Variants in ALDH1A2 observed in about 807,000 individuals in gnomAD.
The protein encoded by ALDH1A2 is retinal dehydrogenase 2.
A neutral mutation model predicts 60.3 loss-of-function variants in ALDH1A2; 27 were observed. The observed-to-expected ratio is 0.45, with a 90% CI of 0.33 to 0.62. The LOEUF is 0.62. Ranked by LOEUF, ALDH1A2 falls within the 20% of genes least tolerant of loss-of-function variation. The pLI, the probability that ALDH1A2 is intolerant of heterozygous loss-of-function variation, is 0.02. For synonymous variants in ALDH1A2, 289 were observed against 232.4 expected, an observed-to-expected ratio of 1.24 and a Z score of -2.21; for missense variants, 581 against 643.8, an observed-to-expected ratio of 0.90 and a Z score of 1.06.
chr15:57,963,590 G>A (rs962374391), intron 9 of ALDH1A2, among the ~76,000 whole-genome samples: 11 of 151,886 alleles, frequency 7.2e-5, no homozygotes, highest in East Asian at 1.9e-4. Context: ...TGATCCGCCC[G>A]CCTCGGCCTC....
chr15:58,060,463 C>CTTTTTT lies in ALDH1A2; in HGVS notation c.117+5065_117+5070dup, dbSNP rs35187901. The stretch of plus-strand genomic sequence containing the variant: ...AAACTCTTTAAGATGCCACACATAT[C>CTTTTTT]TTTTTTTTTTTTTTTTTTTTTTTGT... On this transcript the variant is annotated intron_variant, in intron 1 of 12. Coordinates refer to ENST00000249750, the MANE Select transcript of ALDH1A2 (RefSeq NM_003888.4). Among the ~76,000 whole-genome samples the CTTTTTT allele has an allele frequency of 3.2e-3, 278 of 87,500 alleles. 1 individual carries two copies. Among genetic ancestry groups the CTTTTTT allele is most frequent in the Middle Eastern group, 8.1e-3 (1 of 124 alleles). 57.4% of individuals were successfully genotyped at this position (87,500 alleles called of 152,430 possible).
At chr15:58,059,424 C>G (rs987711978) in intron 1 of ALDH1A2, among the ~76,000 whole-genome samples, 2 of 152,164 alleles carry the variant, frequency 1.3e-5, no homozygotes, top group African/African-American at 4.8e-5. Context: ...CATATGTTAT[C>G]TTGGACAGTC....
intron 1 of ALDH1A2, among the ~76,000 whole-genome samples, chr15:58,057,159 A>C (rs1425730775): frequency 1.3e-5 from 2 of 152,152 alleles, no homozygotes; most frequent in African/African-American, 4.8e-5. Context: ...AAAATGCTGG[A>C]TGCATCATAA....
At chr15:57,980,466 A>C (rs567164246) in intron 7 of ALDH1A2, 1 of 322,572 alleles carries the variant, frequency 3.1e-6, no homozygotes, top group African/African-American at 2.2e-5. Context: ...ATGAGTATGC[A>C]TAAGATAATC....
intron 1 of ALDH1A2, among the ~76,000 whole-genome samples, chr15:58,037,947 A>G (rs1896419372): frequency 6.6e-6 from 1 of 151,636 alleles, no homozygotes; most frequent in African/African-American, 2.4e-5. Context: ...CTCCCTTGAG[A>G]TTAATGTGTC....
intron 7 of ALDH1A2, among the ~76,000 whole-genome samples, chr15:57,974,445 AAAAAAAAAG>A (rs1894174308): frequency 6.6e-6 from 1 of 151,384 alleles, no homozygotes; most frequent in Non-Finnish European, 1.5e-5. Flanking sequence ...AAAAAAAAAA[AAAAAAAAAG>A]AAAGAAATAG....
chr15:57,981,072 T>C (rs1485646303), intron 7 of ALDH1A2, among the ~76,000 whole-genome samples: 1 of 152,224 alleles, frequency 6.6e-6, no homozygotes, highest in Non-Finnish European at 1.5e-5. Context: ...AACCCCTTTA[T>C]CGTTTCTTAT....
chr15:58,065,211 C>T (rs946951678), intron 1 of ALDH1A2: 19 of 346,366 alleles, frequency 5.5e-5, no homozygotes, highest in Admixed American at 4.4e-4. Flanking sequence ...TAAGCGGTTC[C>T]GACGCCTTCC....
intron 1 of ALDH1A2, among the ~76,000 whole-genome samples, chr15:58,055,575 A>T (rs1387914905): frequency 6.6e-6 from 1 of 152,056 alleles, no homozygotes; most frequent in East Asian, 1.9e-4. Context: ...ATTATCAAAA[A>T]ATAAGTGTGT....
At chr15:58,023,574 G>A (rs1291570810) in intron 1 of ALDH1A2, among the ~76,000 whole-genome samples, 1 of 145,264 alleles carries the variant, frequency 6.9e-6, no homozygotes, top group South Asian at 2.1e-4. Flanking sequence ...ACCTATAAAG[G>A]AAACCCCATC....
chr15:58,061,879 C>G (rs1897048328), intron 1 of ALDH1A2, among the ~76,000 whole-genome samples: 1 of 152,072 alleles, frequency 6.6e-6, no homozygotes, highest in Admixed American at 6.5e-5. Context: ...TTACATTGAT[C>G]AACTGAACTA....
intron 1 of ALDH1A2, among the ~76,000 whole-genome samples, chr15:58,035,599 A>G (rs149863229): frequency 1.3e-5 from 2 of 151,740 alleles, no homozygotes; most frequent in African/African-American, 2.4e-5. Context: ...CATCCCACAA[A>G]TTTTTTAAGT....
intron 7 of ALDH1A2, among the ~76,000 whole-genome samples, chr15:57,987,205 T>C (rs1216616240): frequency 1.3e-5 from 2 of 151,070 alleles, no homozygotes; most frequent in Non-Finnish European, 2.9e-5. Flanking sequence ...TAATGACAAA[T>C]GACCTAACAT....
intron 1 of ALDH1A2, among the ~76,000 whole-genome samples, chr15:58,047,683 A>C (rs1896668926): frequency 6.6e-6 from 1 of 152,068 alleles, no homozygotes; most frequent in African/African-American, 2.4e-5. Context: ...TATACAGAGT[A>C]AAACAATAAG....
At chr15:57,996,075 T>A (rs1056735108) in intron 4 of ALDH1A2, among the ~76,000 whole-genome samples, 7 of 152,046 alleles carry the variant, frequency 4.6e-5, no homozygotes, top group Non-Finnish European at 8.8e-5. Flanking sequence ...AGCAGTCCCC[T>A]AAGGCAAGTG....
rs1243899765 is a variant in ALDH1A2, at chr15:57,961,266, C to G, written c.1280G>C (p.Arg427Thr). ...EIFGPVQEIL[R>T]FKTMDEVIER... ...GATAACTTCATCCATCGTCTTAAAT[C>G]TCAAAATTTCCTGAACAGGGCCAAA... Residue 427 changes from arginine (R) to threonine (T), a missense_variant, in exon 11 of 13, where the codon AGA becomes ACA. By Grantham distance (71) the Arg-to-Thr change is moderately conservative (BLOSUM62 -1). Coordinates refer to ENST00000249750, the MANE Select transcript of ALDH1A2 (RefSeq NM_003888.4). The G allele has an allele frequency of 1.2e-6, 2 of 1,614,070 alleles. No individual in the cohort carries two copies. The highest frequency in any genetic ancestry group is 1.1e-5 in the South Asian group (1 of 91,064).
chr15:57,967,604 A>T (rs1893938607), intron 7 of ALDH1A2, among the ~76,000 whole-genome samples: 1 of 152,178 alleles, frequency 6.6e-6, no homozygotes, highest in African/African-American at 2.4e-5. Flanking sequence ...CCTAAAAAAG[A>T]TTTTGAAAAT....
intron 7 of ALDH1A2, among the ~76,000 whole-genome samples, chr15:57,972,823 CACA>C (rs1410762568): frequency 6.6e-6 from 1 of 152,128 alleles, no homozygotes; most frequent in Non-Finnish European, 1.5e-5. Flanking sequence ...AATGGACTCA[CACA>C]ACCTTAGAAA....
intron 4 of ALDH1A2, among the ~76,000 whole-genome samples, chr15:57,996,668 A>C (rs8024542): frequency 2.6e-5 from 4 of 151,962 alleles, no homozygotes; most frequent in African/African-American, 9.7e-5. Context: ...TATCATTACA[A>C]ACATATCTTT....
Sources: allele counts gnomAD v4.1 joint callset (sites outside exome capture counted in the v4.1 genomes callset), GRCh38; gene constraint gnomAD v4.1.1; transcripts MANE v1.5; gene names NCBI Gene and HGNC (gene_info 2026-07-23, HGNC 2026-07-21).